The following EPHB1 variants were observed in gnomAD, a reference collection of about 807,000 sequenced individuals.
EPHB1 encodes the protein EPH receptor B1.
Under a neutral mutation model 94.4 loss-of-function variants are expected in EPHB1, and 30 were observed. That is an observed-to-expected ratio of 0.32 (90% confidence interval 0.24 to 0.43). EPHB1 has a LOEUF of 0.43. Among genes scored for constraint, EPHB1 ranks in the 20% least tolerant of loss-of-function variants. EPHB1 has a pLI of 1.00. For missense variants in EPHB1, 1,055 were observed against 1,308.3 expected (o/e 0.81, Z 2.99); for synonymous variants, 522 against 489.1 (o/e 1.07, Z -0.89).
intron 1 of EPHB1, among the ~76,000 whole-genome samples, chr3:134,818,589 G>C (rs757646232): frequency 6.6e-6 from 1 of 152,104 alleles, no homozygotes; most frequent in Non-Finnish European, 1.5e-5. Flanking sequence ...TTATGCCTTT[G>C]CATCCTCATA....
intron 1 of EPHB1, among the ~76,000 whole-genome samples, chr3:134,838,733 A>G (rs2036724208): frequency 6.6e-6 from 1 of 152,122 alleles, no homozygotes; most frequent in Non-Finnish European, 1.5e-5. Context: ...GTGTATCTGG[A>G]TCTATTAATA....
intron 15 of EPHB1, 112 bp from the exon 16 acceptor site, chr3:135,258,900 G>T: frequency 1.1e-6 from 1 of 944,208 alleles, no homozygotes; most frequent in South Asian, 1.5e-5. Context: ...TAAGCTAGTT[G>T]GATTTTTGTA....
intron 15 of EPHB1, among the ~76,000 whole-genome samples, chr3:135,250,625 G>A (rs942674800): frequency 1.3e-5 from 2 of 152,050 alleles, no homozygotes; most frequent in African/African-American, 4.8e-5. Context: ...CTGGATTAAG[G>A]TTGGTAAGGG....
At chr3:134,813,149 T>C (rs1185321302) in intron 1 of EPHB1, among the ~76,000 whole-genome samples, 2 of 152,212 alleles carry the variant, frequency 1.3e-5, no homozygotes, top group African/African-American at 2.4e-5. Flanking sequence ...GGAAGAAATA[T>C]GCCCCCAAAC....
chr3:134,808,574 G>C (rs1421409115), intron 1 of EPHB1, among the ~76,000 whole-genome samples: 1 of 152,174 alleles, frequency 6.6e-6, no homozygotes, highest in Non-Finnish European at 1.5e-5. Flanking sequence ...CCGAGTAAGA[G>C]AGATGGTATG....
chr3:134,849,306 C>G (rs1174015789), intron 1 of EPHB1, among the ~76,000 whole-genome samples: 3 of 152,182 alleles, frequency 2.0e-5, no homozygotes, highest in Non-Finnish European at 4.4e-5. Context: ...GTTGATGATG[C>G]TGGTCTGGAG....
At chr3:134,865,070 G>C (rs937515295) in intron 1 of EPHB1, among the ~76,000 whole-genome samples, 16 of 124,192 alleles carry the variant, frequency 1.3e-4, no homozygotes, top group African/African-American at 4.2e-4. Context: ...TAAAACATAC[G>C]TGTGTGTGTG....
intron 3 of EPHB1, among the ~76,000 whole-genome samples, chr3:135,003,716 G>C (rs1470767103): frequency 1.3e-5 from 2 of 151,920 alleles, no homozygotes; most frequent in African/African-American, 2.4e-5. Context: ...TTATGTAATG[G>C]CCTTCTTTGT....
At chr3:135,114,697 T>C (rs1378135320) in intron 4 of EPHB1, among the ~76,000 whole-genome samples, 4 of 149,776 alleles carry the variant, frequency 2.7e-5, no homozygotes, top group Non-Finnish European at 4.4e-5. Context: ...CACTCCAGCC[T>C]GGATGATAGA....
At chr3:134,885,150 T>C (rs921183207) in intron 1 of EPHB1, among the ~76,000 whole-genome samples, 1 of 152,154 alleles carries the variant, frequency 6.6e-6, no homozygotes, top group Non-Finnish European at 1.5e-5. Flanking sequence ...CATCTAGAGA[T>C]GAGCATCTGA....
intron 1 of EPHB1, among the ~76,000 whole-genome samples, chr3:134,799,427 A>G (rs1237255014): frequency 6.6e-6 from 1 of 152,222 alleles, no homozygotes; most frequent in Non-Finnish European, 1.5e-5. Context: ...TCCATGTATT[A>G]GCTGATTTTA....
chr3:134,918,666 T>C (rs1225777514), intron 1 of EPHB1, among the ~76,000 whole-genome samples: 3 of 152,180 alleles, frequency 2.0e-5, no homozygotes, highest in African/African-American at 7.2e-5. Flanking sequence ...GCTTCCTGCT[T>C]TCTCTTTCAC....
At chr3:135,241,037 C>T (rs1252051445) in intron 12 of EPHB1, 111 bp from the exon 13 acceptor site, 1 of 1,293,698 alleles carries the variant, frequency 7.7e-7, no homozygotes, top group East Asian at 2.3e-5. Flanking sequence ...TGTCATAATT[C>T]ACAAGATATG....
intron 3 of EPHB1, among the ~76,000 whole-genome samples, chr3:135,038,544 C>T (rs752449576): frequency 2.6e-5 from 4 of 152,122 alleles, no homozygotes; most frequent in Non-Finnish European, 5.9e-5. Flanking sequence ...TTGAGGCCCC[C>T]TATGTCCGGA....
intron 2 of EPHB1, among the ~76,000 whole-genome samples, chr3:134,933,245 T>A (rs1473437151): frequency 6.6e-6 from 1 of 152,158 alleles, no homozygotes; most frequent in Admixed American, 6.5e-5. Flanking sequence ...TCCTAAGACG[T>A]CTGTCTGCAG....
intron 3 of EPHB1, among the ~76,000 whole-genome samples, chr3:135,041,088 G>T (rs1218404202): frequency 6.6e-6 from 1 of 152,156 alleles, no homozygotes. Flanking sequence ...TCCACCACCT[G>T]GGGCCTCTTC....
chr3:134,835,848 C>T (rs764879877), intron 1 of EPHB1, among the ~76,000 whole-genome samples: 4 of 152,192 alleles, frequency 2.6e-5, no homozygotes, highest in Admixed American at 6.5e-5. Flanking sequence ...ATTTCCTTCA[C>T]CAGTACCCCA....
chr3:134,904,153 T>C (rs543856453), intron 1 of EPHB1, among the ~76,000 whole-genome samples: 2 of 152,298 alleles, frequency 1.3e-5, no homozygotes, highest in East Asian at 1.9e-4. Context: ...GGTAGCACTC[T>C]TGCCCAATTA....
At chr3:135,159,548 A>T (rs1296071926) in intron 6 of EPHB1, among the ~76,000 whole-genome samples, 1 of 152,222 alleles carries the variant, frequency 6.6e-6, no homozygotes, top group African/African-American at 2.4e-5. Context: ...TTCAGATCTC[A>T]GATCTCCACT....
Sources: allele counts gnomAD v4.1 joint callset (sites outside exome capture counted in the v4.1 genomes callset), GRCh38; gene constraint gnomAD v4.1.1; transcripts MANE v1.5; gene names NCBI Gene and HGNC (gene_info 2026-07-23, HGNC 2026-07-21).